Variants in PDE1C observed in about 807,000 individuals in gnomAD.
The protein encoded by PDE1C is dual specificity calcium/calmodulin-dependent 3',5'-cyclic nucleotide phosphodiesterase 1C.
PDE1C carries 62 observed loss-of-function variants against 93.1 expected under a neutral mutation model. The ratio of observed to expected loss-of-function variants is 0.67; its 90% confidence interval spans 0.54 to 0.82. PDE1C has a LOEUF of 0.82. Ranked by LOEUF, PDE1C falls within the 40% of genes least tolerant of loss-of-function variation. The pLI, the probability that PDE1C is intolerant of heterozygous loss-of-function variation, is 0.00. For synonymous variants in PDE1C, 325 were observed against 310.1 expected, an observed-to-expected ratio of 1.05 and a Z score of -0.50; for missense variants, 742 against 884.6, an observed-to-expected ratio of 0.84 and a Z score of 2.04.
intron 1 of PDE1C, among the ~76,000 whole-genome samples, chr7:32,389,964 C>G (rs1358070899): frequency 6.6e-6 from 1 of 152,090 alleles, no homozygotes; most frequent in Non-Finnish European, 1.5e-5. Context: ...TCTCTCTGAG[C>G]CTAAGGAATT....
chr7:32,007,186 T>C (rs1786389099), intron 2 of PDE1C, among the ~76,000 whole-genome samples: 1 of 152,216 alleles, frequency 6.6e-6, no homozygotes, highest in African/African-American at 2.4e-5. Flanking sequence ...AAGACAAATT[T>C]ATCTGGCTGT....
At chr7:31,974,330 C>A (rs1245064792) in intron 2 of PDE1C, among the ~76,000 whole-genome samples, 1 of 152,146 alleles carries the variant, frequency 6.6e-6, no homozygotes, top group Non-Finnish European at 1.5e-5. Context: ...ATGATACAGG[C>A]ACACAACAAA....
At chr7:32,095,368 C>T (rs970965626) in intron 3 of PDE1C, among the ~76,000 whole-genome samples, 12 of 152,222 alleles carry the variant, frequency 7.9e-5, no homozygotes, top group Non-Finnish European at 1.8e-4. Flanking sequence ...ATCCAGCACC[C>T]TTCCATGGCC....
At chr7:31,919,774 T>C (rs768224210) in intron 2 of PDE1C, among the ~76,000 whole-genome samples, 5 of 152,204 alleles carry the variant, frequency 3.3e-5, no homozygotes, top group African/African-American at 4.8e-5. Context: ...GAAAATCCAG[T>C]CCACCTGTTA....
chr7:32,244,535 T>C (rs1808776918), intron 1 of PDE1C, among the ~76,000 whole-genome samples: 1 of 152,180 alleles, frequency 6.6e-6, no homozygotes, highest in Non-Finnish European at 1.5e-5. Context: ...TGGGTACTTA[T>C]TTCCACCTAA....
At chr7:31,641,666 T>C in the PDE1C span, among the ~76,000 whole-genome samples, 15 of 152,308 alleles carry the variant, frequency 9.8e-5, no homozygotes, top group African/African-American at 3.6e-4. Context: ...TCCCAGCCTC[T>C]TCTGGTGGCA....
At chr7:31,682,921 C>A in the PDE1C span, among the ~76,000 whole-genome samples, 2 of 151,992 alleles carry the variant, frequency 1.3e-5, no homozygotes, top group East Asian at 3.9e-4. Context: ...ATAACATTCC[C>A]GAAATAATAA....
intron 3 of PDE1C, among the ~76,000 whole-genome samples, chr7:32,146,408 T>C (rs1800837925): frequency 6.6e-6 from 1 of 152,160 alleles, no homozygotes; most frequent in South Asian, 2.1e-4. Context: ...CCTTTCCTTT[T>C]CCAGCTTCTA....
chr7:32,241,723 T>C lies in PDE1C; in HGVS notation c.86-32184A>G, dbSNP rs992174568. 2.0e-5 allele frequency among the ~76,000 whole-genome samples: 3 copies of C among 151,840 alleles called. No individual in the cohort carries two copies. In the East Asian group the frequency reaches 5.8e-4, roughly 29 times the overall value. ...GGAAAATGAATAATCAGTCATGCAG[T>C]GGGGGGGCAGCACTTGCAAGCAAAG... is the stretch of plus-strand genomic sequence containing the variant. On this transcript the variant is annotated intron_variant, in intron 1 of 18. Transcript: ENST00000396193.
chr7:32,408,964 G>C (rs1901201), intron 1 of PDE1C, among the ~76,000 whole-genome samples: 3 of 151,966 alleles, frequency 2.0e-5, no homozygotes, highest in African/African-American at 7.3e-5. Context: ...AAAGTTGTCA[G>C]AACACTGCCT....
chr7:32,112,420 C>T (rs955277818), intron 3 of PDE1C, among the ~76,000 whole-genome samples: 1 of 152,050 alleles, frequency 6.6e-6, no homozygotes, highest in African/African-American at 2.4e-5. Context: ...AGATAACTAT[C>T]CCTTCCTGAC....
chr7:31,989,017 A>AAAAG (rs1554451758), intron 2 of PDE1C, among the ~76,000 whole-genome samples: 221 of 147,516 alleles, frequency 1.5e-3, no homozygotes, highest in Non-Finnish European at 2.7e-3. Context: ...AAAAAAAAAA[A>AAAAG]AGAGAGAGAG....
At chr7:32,277,724 C>T (rs1196038059) in intron 1 of PDE1C, among the ~76,000 whole-genome samples, 1 of 152,178 alleles carries the variant, frequency 6.6e-6, no homozygotes, top group Non-Finnish European at 1.5e-5. Context: ...TGTCTGTTCT[C>T]CTATCCTCAT....
intron 1 of PDE1C, among the ~76,000 whole-genome samples, chr7:32,321,237 T>TGAGTGCTTTTTTTAAG (rs1283011547): frequency 2.0e-5 from 3 of 152,114 alleles, no homozygotes; most frequent in African/African-American, 7.2e-5. Context: ...TTAAGCACAA[T>TGAGTGCTTTTTTTAAG]CACAGAGCAG....
At chr7:32,348,356 CTTTT>C (rs59148183) in intron 1 of PDE1C, among the ~76,000 whole-genome samples, 14 of 57,310 alleles carry the variant, frequency 2.4e-4, no homozygotes, top group Non-Finnish European at 3.9e-4. Context: ...AACAAATGTG[CTTTT>C]TTTTTTTTTT....
At chr7:31,617,492 C>CTT in the PDE1C span, among the ~76,000 whole-genome samples, 1 of 151,938 alleles carries the variant, frequency 6.6e-6, no homozygotes, top group South Asian at 2.1e-4. Context: ...AACTATTCTG[C>CTT]TTTTTGTAAA....
chr7:31,854,692 T>C (rs1412364812), intron 7 of PDE1C, among the ~76,000 whole-genome samples: 1 of 152,174 alleles, frequency 6.6e-6, no homozygotes, highest in African/African-American at 2.4e-5. Context: ...TTGTGACTTT[T>C]CTATGTGAAT....
intron 1 of PDE1C, among the ~76,000 whole-genome samples, chr7:32,377,520 A>T (rs1010900963): frequency 2.6e-5 from 4 of 152,284 alleles, no homozygotes; most frequent in Middle Eastern, 3.4e-3. Flanking sequence ...TTGTCTTGCC[A>T]TTGAGAAGCA....
intron 1 of PDE1C, among the ~76,000 whole-genome samples, chr7:32,335,403 G>A (rs1783599250): frequency 6.6e-6 from 1 of 152,186 alleles, no homozygotes; most frequent in Non-Finnish European, 1.5e-5. Flanking sequence ...TGGTCCAATA[G>A]CTCTGCATTG....
Sources: allele counts gnomAD v4.1 joint callset (sites outside exome capture counted in the v4.1 genomes callset), GRCh38; gene constraint gnomAD v4.1.1; transcripts MANE v1.5; gene names NCBI Gene and HGNC (gene_info 2026-07-23, HGNC 2026-07-21).